The following DDAH1 variants were observed in gnomAD, a reference collection of about 807,000 sequenced individuals.
DDAH1 encodes the protein N(G),N(G)-dimethylarginine dimethylaminohydrolase 1.
In DDAH1, 19 loss-of-function variants were observed where a neutral mutation model predicts 28.8. The observed-to-expected ratio is 0.66, with a 90% CI of 0.46 to 0.97. The LOEUF (loss-of-function observed/expected upper bound fraction) is 0.97. Ranked by LOEUF, DDAH1 falls within the 50% of genes least tolerant of loss-of-function variation. The pLI, the probability that DDAH1 is intolerant of heterozygous loss-of-function variation, is 0.00. For missense variants in DDAH1, 326 were observed against 375.9 expected (o/e 0.87, Z 1.10); for synonymous variants, 153 against 154.4 (o/e 0.99, Z 0.07).
At chr1:85,552,976 GA>G (rs1038554968) in intron 1 of DDAH1, among the ~76,000 whole-genome samples, 1 of 151,454 alleles carries the variant, frequency 6.6e-6, no homozygotes, top group African/African-American at 2.4e-5. Context: ...GGCTAGATGA[GA>G]AAAAAAAGAG....
At position 85,357,370 on chromosome 1, in the gene DDAH1, C is replaced by T. The variant is rs536194028; in HGVS notation, c.403+1378G>A. Reference sequence around the variant, plus strand: ...TTCACACAATCCCTAAGAAGAATGGCGCCCCCAGAGCTGGCAACGTGGTGG... The same window carrying T: ...TTCACACAATCCCTAAGAAGAATGGTGCCCCCAGAGCTGGCAACGTGGTGG... On this transcript the variant is annotated intron_variant, in intron 2 of 5. Transcript: ENST00000284031. 5.3e-5 allele frequency among the ~76,000 whole-genome samples: 8 copies of T among 152,226 alleles called. No individual in the cohort carries two copies. The South Asian group carries it at 8.3e-4, about 16-fold the overall frequency.
At chr1:85,546,570 G>C (rs532309535) in intron 1 of DDAH1, among the ~76,000 whole-genome samples, 1 of 152,242 alleles carries the variant, frequency 6.6e-6, no homozygotes, top group East Asian at 1.9e-4. Context: ...ACACTAACTA[G>C]AGATAAAAGT....
chr1:85,534,146 C>T (rs544914845), intron 1 of DDAH1, among the ~76,000 whole-genome samples: 14 of 152,254 alleles, frequency 9.2e-5, no homozygotes, highest in African/African-American at 2.9e-4. Flanking sequence ...CTACAGGCTC[C>T]GTAATCTCCC....
intron 1 of DDAH1, among the ~76,000 whole-genome samples, chr1:85,518,030 T>C (rs1333450832): frequency 6.6e-6 from 1 of 152,212 alleles, no homozygotes; most frequent in Admixed American, 6.5e-5. Flanking sequence ...CTAGCCTCCG[T>C]TGAAGAAATA....
At chr1:85,388,464 A>T (rs1477648699) in intron 1 of DDAH1, among the ~76,000 whole-genome samples, 1 of 152,234 alleles carries the variant, frequency 6.6e-6, no homozygotes, top group Non-Finnish European at 1.5e-5. Context: ...TTATATAAAA[A>T]TAATTGTAAG....
upstream of DDAH1, among the ~76,000 whole-genome samples, chr1:85,465,709 C>T (rs563016010): frequency 6.6e-6 from 1 of 152,126 alleles, no homozygotes; most frequent in Non-Finnish European, 1.5e-5. Flanking sequence ...CACAAAACAG[C>T]ATTTGCATAT....
intron 1 of DDAH1, among the ~76,000 whole-genome samples, chr1:85,458,572 A>G (rs560090): frequency 0.98 from 149,084 of 151,948 alleles, 73,214 homozygotes; most frequent in East Asian, 1. Context: ...GGGACTACAG[A>G]CACCACACAC....
chr1:85,485,649 G>A (rs548554529), intron 2 of DDAH1, among the ~76,000 whole-genome samples: 2 of 152,260 alleles, frequency 1.3e-5, no homozygotes, highest in African/African-American at 4.8e-5. Context: ...TTGCTCAAAT[G>A]TATACTGAAC....
chr1:85,489,239 A>G (rs1212176846), intron 2 of DDAH1, among the ~76,000 whole-genome samples: 1 of 152,236 alleles, frequency 6.6e-6, no homozygotes, highest in Non-Finnish European at 1.5e-5. Context: ...ATACGTTTGG[A>G]TAACCCTACT....
At chr1:85,404,511 C>A in intron 1 of DDAH1, 1 of 1,435,558 alleles carries the variant, frequency 7.0e-7, no homozygotes, top group Non-Finnish European at 9.1e-7. Context: ...CGGATTGAGC[C>A]ATGGAGCAAA....
intron 1 of DDAH1, among the ~76,000 whole-genome samples, chr1:85,534,977 G>C (rs1334398629): frequency 1.3e-5 from 2 of 151,778 alleles, no homozygotes; most frequent in Admixed American, 1.3e-4. Flanking sequence ...AGAAAAAGAA[G>C]AAAAGGAGGT....
intron 2 of DDAH1, among the ~76,000 whole-genome samples, chr1:85,480,790 A>T (rs1008379755): frequency 6.6e-6 from 1 of 151,924 alleles, no homozygotes; most frequent in African/African-American, 2.4e-5. Context: ...ATTAAAATTT[A>T]AAATCAGAAA....
upstream of DDAH1, among the ~76,000 whole-genome samples, chr1:85,466,473 T>G (rs1488863125): frequency 6.6e-6 from 1 of 152,194 alleles, no homozygotes; most frequent in African/African-American, 2.4e-5. Context: ...GGTCTCGAAC[T>G]CCTGACCTCA....
At chr1:85,415,633 T>C (rs1652857310) in intron 1 of DDAH1, among the ~76,000 whole-genome samples, 1 of 152,172 alleles carries the variant, frequency 6.6e-6, no homozygotes, top group Non-Finnish European at 1.5e-5. Context: ...ATTCTATTTA[T>C]GCAAAGTTCA....
intron 1 of DDAH1, among the ~76,000 whole-genome samples, chr1:85,553,766 A>G (rs1244212811): frequency 6.6e-6 from 1 of 152,224 alleles, no homozygotes; most frequent in Non-Finnish European, 1.5e-5. Flanking sequence ...GTTTACTGTG[A>G]GGCAATGGGC....
intron 1 of DDAH1, among the ~76,000 whole-genome samples, chr1:85,567,335 C>G (rs1317616597): frequency 6.6e-6 from 1 of 152,148 alleles, no homozygotes; most frequent in African/African-American, 2.4e-5. Context: ...GTGGGAGGGA[C>G]CTGGTGAGAG....
At chr1:85,441,303 G>T (rs1654178426) in intron 1 of DDAH1, among the ~76,000 whole-genome samples, 1 of 152,174 alleles carries the variant, frequency 6.6e-6, no homozygotes, top group Non-Finnish European at 1.5e-5. Flanking sequence ...AGCACTTCGG[G>T]AGGACAAGGC....
At chr1:85,434,034 T>C (rs909105855) in intron 1 of DDAH1, among the ~76,000 whole-genome samples, 4 of 152,192 alleles carry the variant, frequency 2.6e-5, no homozygotes, top group South Asian at 2.1e-4. Flanking sequence ...TAAGATACCA[T>C]ATCAGGATGT....
At chr1:85,360,843 T>G (rs1355550142) in intron 1 of DDAH1, among the ~76,000 whole-genome samples, 1 of 152,110 alleles carries the variant, frequency 6.6e-6, no homozygotes, top group Non-Finnish European at 1.5e-5. Context: ...TGTTTGTGCT[T>G]TTCTTTTCTT....
Sources: gnomAD v4.1 joint callset for allele counts (sites outside exome capture counted in the v4.1 genomes callset) on GRCh38, gnomAD v4.1.1 for gene constraint, MANE v1.5 for transcripts, NCBI Gene and HGNC (gene_info 2026-07-23, HGNC 2026-07-21) for gene names.